The following CBLB variants were observed in gnomAD, a reference collection of about 807,000 sequenced individuals.
CBLB encodes the protein Cbl proto-oncogene B.
Under a neutral mutation model 104.9 loss-of-function variants are expected in CBLB, and 31 were observed. That is an observed-to-expected ratio of 0.30 (90% CI 0.22 to 0.40). CBLB has a LOEUF of 0.40. CBLB is among the 10% of genes least tolerant of loss of function. The pLI is 1.00. For missense variants in CBLB, 1,062 were observed against 1,214.6 expected (o/e 0.87, Z 1.87); for synonymous variants, 440 against 422.6 (o/e 1.04, Z -0.51).
At chr3:105,687,414 C>T (rs1372224207) in intron 13 of CBLB, among the ~76,000 whole-genome samples, 1 of 151,992 alleles carries the variant, frequency 6.6e-6, no homozygotes, top group African/African-American at 2.4e-5. Context: ...TAATTTCCCC[C>T]ACTCTTTTGC....
intron 4 of CBLB, among the ~76,000 whole-genome samples, chr3:105,765,257 T>C (rs2152939365): frequency 6.6e-6 from 1 of 152,276 alleles, no homozygotes; most frequent in East Asian, 1.9e-4. Context: ...ATGGGTTCAA[T>C]CATACCCCAA....
chr3:105,855,186 T>C (rs941954135), intron 2 of CBLB, among the ~76,000 whole-genome samples: 1 of 152,092 alleles, frequency 6.6e-6, no homozygotes, highest in Non-Finnish European at 1.5e-5. Context: ...CATTTTCACA[T>C]GCAAAATCTT....
rs1559878351 is a variant in CBLB, at chr3:105,702,278, G to A, written c.1775C>T (p.Ala592Val). ...PSRDPPMPLE[A>V]WCPRDVFGTN... The stretch of plus-strand genomic sequence containing the variant: ...CCCAAACACATCCCGAGGGCACCAT[G>A]CTTCAAGAGGCATTGGCGGGTCTCT... The change falls in exon 12 of 19, where the codon GCA (alanine) becomes GTA (valine). Residue 592 changes from alanine (A) to valine (V), a missense_variant. This residue lies in a region of CBLB where 605 missense variants were observed against 582.6 expected (regional missense o/e 1.04). Transcript: ENST00000394030. 1.2e-6 allele frequency: 2 copies of A among 1,613,964 alleles called. No homozygotes were observed. The highest frequency in any genetic ancestry group is 2.7e-5 in the African/African-American group (2 of 74,992).
chr3:105,869,418 C>T (rs1706780596), upstream of CBLB: 3 of 1,332,402 alleles, frequency 2.3e-6, no homozygotes, highest in South Asian at 3.7e-5. Context: ...CTTCCTGCTT[C>T]GCTTACCTTC....
intron 6 of CBLB, among the ~76,000 whole-genome samples, chr3:105,742,712 T>G (rs904730292): frequency 6.6e-6 from 1 of 152,198 alleles, no homozygotes; most frequent in African/African-American, 2.4e-5. Flanking sequence ...GTTAAAATCT[T>G]AAAAATCTGT....
intron 12 of CBLB, among the ~76,000 whole-genome samples, chr3:105,694,230 T>C (rs1037873133): frequency 1.3e-5 from 2 of 151,946 alleles, no homozygotes; most frequent in African/African-American, 4.8e-5. Context: ...CCAAAGCCAG[T>C]GTTCAATTAC....
intron 9 of CBLB, among the ~76,000 whole-genome samples, chr3:105,722,214 A>T (rs867655521): frequency 2.0e-5 from 3 of 150,606 alleles, no homozygotes; most frequent in African/African-American, 7.3e-5. Flanking sequence ...AAAAAAAAAA[A>T]AAAAGAAAAG....
At chr3:105,815,778 A>T (rs1301757987) in intron 3 of CBLB, among the ~76,000 whole-genome samples, 1 of 152,224 alleles carries the variant, frequency 6.6e-6, no homozygotes, top group Non-Finnish European at 1.5e-5. Context: ...CACAATGGCA[A>T]AGACTTGGAA....
In CBLB at chr3:105,811,632, A is replaced by G. The variant is rs374991169; in HGVS notation, c.420-35090T>C. Among the ~76,000 whole-genome samples, 14 of 152,354 alleles carry G rather than the reference A, an allele frequency of 9.2e-5. No homozygotes were observed. The South Asian group carries it at 2.9e-3, about 32-fold the overall frequency. On this transcript the variant is annotated intron_variant, in intron 3 of 18. Transcript: ENST00000394030. ...AAAGTTTCAAAATAAAAAGCTTTAA[A>G]AGAGAGACAGACAGATTTCCCTAGA...
intron 3 of CBLB, among the ~76,000 whole-genome samples, chr3:105,778,303 A>G (rs1485766896): frequency 6.6e-6 from 1 of 152,174 alleles, no homozygotes; most frequent in East Asian, 1.9e-4. Flanking sequence ...CTCCATATTT[A>G]CTCATGTATC....
chr3:105,790,303 C>G (rs977719236), intron 3 of CBLB, among the ~76,000 whole-genome samples: 1 of 152,204 alleles, frequency 6.6e-6, no homozygotes, highest in Non-Finnish European at 1.5e-5. Flanking sequence ...AAAGATCAGG[C>G]TGCAAAGCAG....
At chr3:105,688,813 G>A (rs1423784590) in intron 13 of CBLB, among the ~76,000 whole-genome samples, 2 of 151,836 alleles carry the variant, frequency 1.3e-5, no homozygotes, top group East Asian at 1.9e-4. Flanking sequence ...GGTCTTTCAT[G>A]ACATCAAAAA....
Position 105,693,400 on chromosome 3 carries a change from T to C in CBLB, c.2054+94A>G, listed in dbSNP as rs947014834. ...GCTGTTTACTATCAATGACTTTCTA[T>C]TCATCATGTAGTGTCTGTACTGAGA... On this transcript the variant is annotated intron_variant, in intron 13 of 18. Transcript: ENST00000394030. The C allele has an allele frequency of 5.3e-6, 4 of 757,238 alleles. No individual in the cohort carries two copies. In the Admixed American group the frequency reaches 6.1e-5, roughly 12 times the overall value. The allele number at this position is 757,238 out of a possible 1,614,324, so 46.9% of individuals were successfully genotyped here.
intron 9 of CBLB, among the ~76,000 whole-genome samples, chr3:105,725,294 A>T (rs1258834382): frequency 6.6e-6 from 1 of 152,172 alleles, no homozygotes; most frequent in Non-Finnish European, 1.5e-5. Context: ...CCAATTTAAA[A>T]TTTTAATGCA....
intron 10 of CBLB, 105 bp downstream of exon 10, chr3:105,719,942 T>A (rs956831178): frequency 3.5e-6 from 3 of 865,590 alleles, no homozygotes; most frequent in Admixed American, 3.9e-5. Flanking sequence ...TGTGTGTGCC[T>A]CTTTTCTAAA....
At chr3:105,832,875 GGAAA>G (rs1432983841) in intron 3 of CBLB, among the ~76,000 whole-genome samples, 3 of 152,180 alleles carry the variant, frequency 2.0e-5, no homozygotes, top group Non-Finnish European at 4.4e-5. Context: ...GACAAGTACT[GGAAA>G]GAACACAGCA....
chr3:105,831,295 T>C (rs565562845), intron 3 of CBLB, among the ~76,000 whole-genome samples: 1 of 152,332 alleles, frequency 6.6e-6, no homozygotes, highest in South Asian at 2.1e-4. Flanking sequence ...TTCCATGACA[T>C]CTTTTCCTGC....
intron 3 of CBLB, among the ~76,000 whole-genome samples, chr3:105,818,380 T>G (rs7631219): frequency 0.91 from 138,676 of 152,108 alleles, 63,501 homozygotes; most frequent in Non-Finnish European, 0.96. Context: ...TTACAATACA[T>G]TTAGGGCAAC....
chr3:105,758,617 G>A (rs571800292), intron 4 of CBLB, among the ~76,000 whole-genome samples: 15 of 152,386 alleles, frequency 9.8e-5, no homozygotes, highest in Admixed American at 9.1e-4. Context: ...CAGATGCGGA[G>A]CAGCAAGTGG....
Sources: gnomAD v4.1 joint callset for allele counts (sites outside exome capture counted in the v4.1 genomes callset) on GRCh38, gnomAD v4.1.1 for gene constraint, gnomAD v4.1.1 regional missense constraint, MANE v1.5 for transcripts, NCBI Gene and HGNC (gene_info 2026-07-23, HGNC 2026-07-21) for gene names.